POR: variants seen among roughly 807,000 people sequenced by gnomAD.
POR encodes cytochrome p450 oxidoreductase.
Under a neutral mutation model 84.0 loss-of-function variants are expected in POR, and 56 were observed. The ratio of observed to expected loss-of-function variants is 0.67; its 90% CI spans 0.54 to 0.83. The LOEUF (loss-of-function observed/expected upper bound fraction) is 0.83, where lower values mean the gene tolerates loss of function less well. POR is among the 40% of genes least tolerant of loss of function. The probability of loss-of-function intolerance (pLI) is 0.00; values close to 1 mark genes in which losing one functional copy is unlikely to be tolerated. For synonymous variants in POR, 414 were observed against 400.5 expected (o/e 1.03, Z -0.40); for missense variants, 938 against 944.3 (o/e 0.99, Z 0.09).
chr7:75,942,225 TCAAAAAAA>T (rs1554551602), intron 1 of POR, among the ~76,000 whole-genome samples: 2 of 152,138 alleles, frequency 1.3e-5, no homozygotes, highest in African/African-American at 4.8e-5. Flanking sequence ...AGACCCAGTC[TCAAAAAAA>T]CAAAAAACAG....
chr7:75,956,529 G>A (rs921209645), intron 2 of POR, among the ~76,000 whole-genome samples: 1 of 152,190 alleles, frequency 6.6e-6, no homozygotes, highest in Admixed American at 6.5e-5. Context: ...CCTGCTAAAT[G>A]GAGGCAGTAT....
chr7:75,919,004 T>TG (rs1427462936), intron 1 of POR, among the ~76,000 whole-genome samples: 4 of 89,902 alleles, frequency 4.4e-5, no homozygotes, highest in Admixed American at 1.2e-4. Context: ...GTGTTGTGTG[T>TG]TTTTTTTTTT....
Position 75,986,505 on chromosome 7 carries a change from C to T in POR, c.*24C>T. ...AGGGGCCTGCCTGCCCCACCCACCCCACAGACTCCGGCCTGTAATCAGCTC... is the reference window on the plus strand; with the variant it reads ...AGGGGCCTGCCTGCCCCACCCACCCTACAGACTCCGGCCTGTAATCAGCTC... On this transcript the variant is annotated 3_prime_UTR_variant, in exon 16 of 16. Transcript: ENST00000461988. The T allele has an allele frequency of 6.2e-7, 1 of 1,601,552 alleles. No homozygotes were observed. The highest frequency in any genetic ancestry group is 8.5e-7 in the Non-Finnish European group (1 of 1,178,140).
intron 2 of POR, among the ~76,000 whole-genome samples, chr7:75,956,538 A>G (rs782784066): frequency 2.0e-5 from 3 of 152,186 alleles, no homozygotes; most frequent in Non-Finnish European, 4.4e-5. Flanking sequence ...TGGAGGCAGT[A>G]TTCCCAATCT....
intron 1 of POR, among the ~76,000 whole-genome samples, chr7:75,936,902 C>T (rs1332118106): frequency 6.7e-6 from 1 of 148,972 alleles, no homozygotes; most frequent in South Asian, 2.1e-4. Context: ...TCTTGGCTCA[C>T]TGCAAACTCC....
In POR at chr7:75,986,189, C is replaced by T. The variant is rs781946801; in HGVS notation, c.1846C>T (p.Arg616Ter). Reference sequence around the variant, plus strand: ...CGTCCAGCACCTGCTAAAGCAAGACCGAGAGCACCTGTGGAAGTTGATCGA... The same window carrying T: ...CGTCCAGCACCTGCTAAAGCAAGACTGAGAGCACCTGTGGAAGTTGATCGA... The change falls in exon 15 of 16, where the codon CGA (arginine) becomes TGA (stop). Residue 616 changes from arginine to a stop codon, truncating the protein, a stop_gained. Coordinates refer to ENST00000461988, the MANE Select transcript of POR (RefSeq NM_000941.3). LOFTEE classifies it high-confidence loss of function. The T allele has an allele frequency of 1.7e-5, 27 of 1,612,188 alleles. No individual in the cohort carries two copies. Among genetic ancestry groups the T allele is most frequent in the Admixed American group, 1.0e-4 (6 of 59,936 alleles).
rs782024141 is a variant in POR at position 75,983,842 on chromosome 7, TG to T, written c.1053del (p.Asn352ThrfsTer69). 1.0e-5 allele frequency: 16 copies of T among 1,607,910 alleles called. No homozygotes were observed. Among genetic ancestry groups the T allele is most frequent in the African/African-American group, 1.3e-5 (1 of 74,858 alleles). ...GCCGACCTGGACGTCGTCATGTCCC[TG>T]AACAACCTGGATGGTGAGTGCCACA... On this transcript the variant is annotated frameshift_variant, in exon 10 of 16. Transcript: ENST00000461988. LOFTEE classifies it high-confidence loss of function.
intron 7 of POR, 72 bp downstream of exon 7, chr7:75,981,678 A>G: frequency 7.7e-7 from 1 of 1,301,358 alleles, no homozygotes; most frequent in Non-Finnish European, 1.1e-6. Flanking sequence ...CCCTGGAACA[A>G]GGGCTGGCAG....
At position 75,945,663 on chromosome 7, in the gene POR, C is replaced by T. The variant is rs952993158; in HGVS notation, c.-4-8326C>T. ...AGGGGCTTGTGAACCTGAATGACCC[C>T]GCTCCCCCTGCAGCCAGAAGGTGCA... On this transcript the variant is annotated intron_variant, in intron 1 of 15. Transcript: ENST00000461988. Among the ~76,000 whole-genome samples the T allele has an allele frequency of 5.3e-5, 8 of 152,196 alleles. No individual in the cohort carries two copies. In the East Asian group the frequency reaches 1.2e-3, roughly 22 times the overall value.
intron 1 of POR, among the ~76,000 whole-genome samples, chr7:75,935,619 TTGTGTGTGTGTGTGTGTG>T (rs57899780): frequency 3.7e-4 from 49 of 131,360 alleles, no homozygotes; most frequent in East Asian, 7.0e-4. Flanking sequence ...TGCTCGGGGC[TTGTGTGTGTGTGTGTGTG>T]TGTGTGTGTG....
intron 4 of POR, 145 bp downstream of exon 4, chr7:75,979,724 C>A: frequency 8.8e-7 from 1 of 1,134,432 alleles, no homozygotes; most frequent in Non-Finnish European, 1.2e-6. Context: ...CCGTGAGGGT[C>A]ATTGCCATCC....
intron 1 of POR, among the ~76,000 whole-genome samples, chr7:75,939,386 C>G (rs2116328292): frequency 6.6e-6 from 1 of 152,284 alleles, no homozygotes; most frequent in South Asian, 2.1e-4. Context: ...GGTGGGAGTG[C>G]TCAGTACTTT....
At chr7:75,959,977 A>G (rs1787864347) in intron 2 of POR, among the ~76,000 whole-genome samples, 1 of 152,102 alleles carries the variant, frequency 6.6e-6, no homozygotes, top group Non-Finnish European at 1.5e-5. Flanking sequence ...TCATAATAAT[A>G]GTAGCAGTAA....
At position 75,915,196 on chromosome 7, in the gene POR, G is replaced by C. The variant is rs558764810; in HGVS notation, c.-5+17G>C. 7.1e-5 allele frequency: 11 copies of C among 154,598 alleles called. No individual in the cohort carries two copies. Among genetic ancestry groups the C allele is most frequent in the African/African-American group, 2.2e-4 (9 of 41,656 alleles). 9.6% of individuals were successfully genotyped at this position (154,598 alleles called of 1,614,324 possible). On this transcript the variant is annotated intron_variant, in intron 1 of 15. Coordinates refer to ENST00000461988, the MANE Select transcript of POR (RefSeq NM_000941.3). Reference sequence around the variant, plus strand: ...CTGCCAGCGGTGAGTGCTATCTTTCGCGGCGACGGCGGGGTGGGTGAGGTC... The same window carrying C: ...CTGCCAGCGGTGAGTGCTATCTTTCCCGGCGACGGCGGGGTGGGTGAGGTC...
chr7:75,918,206 T>C (rs545299370), intron 1 of POR, among the ~76,000 whole-genome samples: 197 of 152,178 alleles, frequency 1.3e-3, no homozygotes, highest in African/African-American at 4.6e-3. Context: ...CTCAGGAGGC[T>C]GAGGCAGAAG....
At chr7:75,964,265 G>A (rs760157857) in intron 2 of POR, among the ~76,000 whole-genome samples, 1 of 152,114 alleles carries the variant, frequency 6.6e-6, no homozygotes, top group East Asian at 1.9e-4. Flanking sequence ...CTCCCAAAGT[G>A]TTGGGATTAC....
intron 1 of POR, among the ~76,000 whole-genome samples, chr7:75,951,843 C>T (rs1787434881): frequency 2.0e-5 from 3 of 152,268 alleles, no homozygotes; most frequent in Admixed American, 6.5e-5. Flanking sequence ...ACTCATGTCA[C>T]GTCTGCCTAC....
chr7:75,967,141 A>G (rs1314833275), intron 2 of POR, among the ~76,000 whole-genome samples: 1 of 152,100 alleles, frequency 6.6e-6, no homozygotes, highest in African/African-American at 2.4e-5. Flanking sequence ...CACCCGGCTA[A>G]TTTTTGTATT....
At chr7:75,941,886 A>C (rs782444388) in intron 1 of POR, among the ~76,000 whole-genome samples, 16 of 152,110 alleles carry the variant, frequency 1.1e-4, no homozygotes, top group Admixed American at 2.6e-4. Flanking sequence ...TTTTTAATAC[A>C]GGTTTGTTAA....
Sources: gnomAD v4.1 joint callset for allele counts (sites outside exome capture counted in the v4.1 genomes callset) on GRCh38, gnomAD v4.1.1 for gene constraint, MANE v1.5 for transcripts, NCBI Gene and HGNC (gene_info 2026-07-23, HGNC 2026-07-21) for gene names.